Variants in CFAP61 observed in about 807,000 individuals in gnomAD.
The protein encoded by CFAP61 is cilia and flagella associated protein 61, also known as cilia- and flagella-associated protein 61.
Under a neutral mutation model 135.6 loss-of-function variants are expected in CFAP61, and 107 were observed. The observed-to-expected ratio is 0.79, with a 90% confidence interval of 0.67 to 0.93. The LOEUF (loss-of-function observed/expected upper bound fraction) is 0.93. Ranked by LOEUF, CFAP61 falls within the 40% of genes least tolerant of loss-of-function variation. CFAP61 has a pLI of 0.00. For missense variants in CFAP61, 1,507 were observed against 1,556.2 expected, an observed-to-expected ratio of 0.97 and a Z score of 0.53; for synonymous variants, 575 against 578.5, an observed-to-expected ratio of 0.99 and a Z score of 0.09.
At chr20:20,092,673 A>C (rs2047283438) in intron 7 of CFAP61, among the ~76,000 whole-genome samples, 1 of 122,348 alleles carries the variant, frequency 8.2e-6, no homozygotes, top group Admixed American at 9.0e-5. Flanking sequence ...AAATGATTCG[A>C]ATAGACACTT....
chr20:20,098,480 G>A (rs2146636264), intron 7 of CFAP61, among the ~76,000 whole-genome samples, 175 bp from the exon 8 acceptor site: 1 of 151,938 alleles, frequency 6.6e-6, no homozygotes, highest in East Asian at 1.9e-4. Context: ...TGTGGTGGCG[G>A]GCGCCTGCAG....
In CFAP61 at chr20:20,052,537, G is replaced by A; in HGVS notation, c.-91G>A. On this transcript the variant is annotated 5_prime_UTR_variant, in exon 1 of 27. Coordinates refer to ENST00000245957, the MANE Select transcript of CFAP61 (RefSeq NM_015585.4). ...GCACCGTTTCCATGGTGACCAGGCT[G>A]CGCGTCCTCCTTGCGGCAGCGCGTG... 6.2e-7 allele frequency: 1 copy of A among 1,614,230 alleles called. No homozygotes were observed. The highest frequency in any genetic ancestry group is 8.5e-7 in the Non-Finnish European group (1 of 1,180,040).
At chr20:20,089,924 A>C (rs2047067831) in intron 6 of CFAP61, among the ~76,000 whole-genome samples, 1 of 152,364 alleles carries the variant, frequency 6.6e-6, no homozygotes, top group East Asian at 1.9e-4. Flanking sequence ...GCCATGGGCC[A>C]GTGTTTGAAA....
chr20:20,240,155 G>A (rs901362721), intron 18 of CFAP61, among the ~76,000 whole-genome samples: 1 of 152,208 alleles, frequency 6.6e-6, no homozygotes, highest in African/African-American at 2.4e-5. Flanking sequence ...AGTTAGGGCT[G>A]ATAGGCATTT....
intron 17 of CFAP61, among the ~76,000 whole-genome samples, chr20:20,215,699 G>A (rs900867533): frequency 6.6e-6 from 1 of 152,092 alleles, no homozygotes; most frequent in African/African-American, 2.4e-5. Context: ...GTTTTGAAAG[G>A]TTTTAACCAT....
Position 20,263,142 on chromosome 20 carries a change from G to A in CFAP61, c.2503+12G>A, listed in dbSNP as rs778556614. 22 of 1,599,690 alleles carry A rather than the reference G, an allele frequency of 1.4e-5. No individual in the cohort carries two copies. The highest frequency in any genetic ancestry group is 4.5e-5 in the East Asian group (2 of 44,548). On this transcript the variant is annotated intron_variant, in intron 21 of 26. Transcript: ENST00000245957. ...CATCACCACAGAAGGTAAGGATGTC[G>A]GTAACTGTGCATCTCTTCAGAATAG...
At chr20:20,161,875 G>A (rs898418108) in intron 10 of CFAP61, among the ~76,000 whole-genome samples, 4 of 144,486 alleles carry the variant, frequency 2.8e-5, no homozygotes, top group East Asian at 1.9e-4. Context: ...CTCCAGCCAC[G>A]CCCTCTCAAT....
chr20:20,088,080 A>G (rs1472806000), intron 6 of CFAP61, among the ~76,000 whole-genome samples: 1 of 152,168 alleles, frequency 6.6e-6, no homozygotes, highest in Non-Finnish European at 1.5e-5. Flanking sequence ...AGTCATACCC[A>G]TTCAAAAAAT....
chr20:20,149,079 C>T lies in CFAP61; in HGVS notation c.951+6131C>T, dbSNP rs183409757. ...ACAAAACCACTACTGACCGATTTGG[C>T]GTAATTGACATATATAAAATACTTC... is the stretch of plus-strand genomic sequence containing the variant. On this transcript the variant is annotated intron_variant, in intron 9 of 26. Coordinates refer to ENST00000245957, the MANE Select transcript of CFAP61 (RefSeq NM_015585.4). Among the ~76,000 whole-genome samples, 484 of 152,246 alleles carry T rather than the reference C, an allele frequency of 3.2e-3. 5 individuals carry two copies. Among genetic ancestry groups the T allele is most frequent in the Non-Finnish European group, 5.0e-3 (337 of 68,026 alleles).
intron 21 of CFAP61, among the ~76,000 whole-genome samples, chr20:20,266,089 C>T (rs966144314): frequency 2.0e-5 from 3 of 152,144 alleles, no homozygotes; most frequent in Non-Finnish European, 4.4e-5. Flanking sequence ...GAGGAGGCCT[C>T]GAGGTAGAGC....
intron 25 of CFAP61, among the ~76,000 whole-genome samples, chr20:20,310,974 C>A (rs1408622372): frequency 6.6e-6 from 1 of 152,204 alleles, no homozygotes; most frequent in Non-Finnish European, 1.5e-5. Flanking sequence ...CCATCGTCCA[C>A]GTCCTGCACA....
chr20:20,168,890 C>T (rs2146820791), intron 12 of CFAP61, among the ~76,000 whole-genome samples: 1 of 152,222 alleles, frequency 6.6e-6, no homozygotes, highest in Admixed American at 6.5e-5. Context: ...CCAAAAAATG[C>T]CTGAAGTATC....
At chr20:20,109,975 C>T (rs6112768) in intron 8 of CFAP61, among the ~76,000 whole-genome samples, 19,048 of 151,216 alleles carry the variant, frequency 0.13, 1,376 homozygotes, top group Non-Finnish European at 0.15. Context: ...GGCGCAATCT[C>T]GGCTCACTGC....
intron 25 of CFAP61, among the ~76,000 whole-genome samples, chr20:20,313,911 A>C (rs978911066): frequency 6.6e-6 from 1 of 152,210 alleles, no homozygotes; most frequent in African/African-American, 2.4e-5. Context: ...CTCTGGCTTT[A>C]AAACAAACTG....
intron 13 of CFAP61, among the ~76,000 whole-genome samples, chr20:20,178,786 G>T (rs1031612801): frequency 1.3e-5 from 2 of 151,898 alleles, no homozygotes; most frequent in East Asian, 3.9e-4. Context: ...TTTTAACATC[G>T]TCAGTCCTTG....
chr20:20,314,686 ACCCC>A (rs1471543969), intron 25 of CFAP61, among the ~76,000 whole-genome samples: 1 of 47,900 alleles, frequency 2.1e-5, no homozygotes. Context: ...TCCCTCCCCC[ACCCC>A]CCCACCCCAC....
intron 21 of CFAP61, among the ~76,000 whole-genome samples, chr20:20,272,388 T>C (rs2053426378): frequency 6.6e-6 from 1 of 152,224 alleles, no homozygotes; most frequent in Admixed American, 6.5e-5. Context: ...ATGGTGCCAC[T>C]GCACTCCAGC....
intron 7 of CFAP61, among the ~76,000 whole-genome samples, chr20:20,091,248 G>C (rs1375899993): frequency 6.6e-6 from 1 of 152,226 alleles, no homozygotes; most frequent in Non-Finnish European, 1.5e-5. Flanking sequence ...AGACCCCCCA[G>C]GGGTGCGTAG....
chr20:20,210,640 G>A (rs1218261532), intron 17 of CFAP61, among the ~76,000 whole-genome samples: 1 of 152,142 alleles, frequency 6.6e-6, no homozygotes, highest in East Asian at 1.9e-4. Flanking sequence ...CACAGACCAC[G>A]AATGCCCCTC....
Sources: gnomAD v4.1 joint callset for allele counts (sites outside exome capture counted in the v4.1 genomes callset) on GRCh38, gnomAD v4.1.1 for gene constraint, MANE v1.5 for transcripts, NCBI Gene and HGNC (gene_info 2026-07-23, HGNC 2026-07-21) for gene names.